ABCB4: variants seen among roughly 807,000 people sequenced by gnomAD.
ABCB4 encodes the protein phosphatidylcholine translocator ABCB4.
ABCB4 carries 76 observed loss-of-function variants against 145.7 expected under a neutral mutation model. The ratio of observed to expected loss-of-function variants is 0.52; its 90% CI spans 0.43 to 0.63. The LOEUF (loss-of-function observed/expected upper bound fraction) is 0.63. Ranked by LOEUF, ABCB4 falls within the 30% of genes least tolerant of loss-of-function variation. ABCB4 has a pLI of 0.00. For synonymous variants in ABCB4, 517 were observed against 566.8 expected (o/e 0.91, Z 1.25); for missense variants, 1,234 against 1,553.1 (o/e 0.79, Z 3.45).
At chr7:87,366,242 A>ATT in the ABCB4 span, among the ~76,000 whole-genome samples, 2 of 150,062 alleles carry the variant, frequency 1.3e-5, no homozygotes, top group Admixed American at 6.7e-5. Context: ...GCAAGGGGGA[A>ATT]TTTTTTTTTT....
chr7:87,413,593 A>G, intron 22 of ABCB4, 24 bp downstream of exon 22: 1 of 1,418,984 alleles, frequency 7.0e-7, no homozygotes, highest in South Asian at 1.1e-5. Flanking sequence ...CTAGGTTCTT[A>G]GCAGGAATCA....
the ABCB4 span, among the ~76,000 whole-genome samples, chr7:87,366,284 G>A: frequency 6.6e-6 from 1 of 151,912 alleles, no homozygotes; most frequent in Admixed American, 6.6e-5. Flanking sequence ...CCTGTGGGAG[G>A]TGTTGGTATC....
At chr7:87,387,015 T>C in the ABCB4 span, among the ~76,000 whole-genome samples, 1 of 152,080 alleles carries the variant, frequency 6.6e-6, no homozygotes, top group Non-Finnish European at 1.5e-5. Context: ...ATGGGAGTTT[T>C]TCCACATGCG....
intron 19 of ABCB4, 79 bp downstream of exon 19, chr7:87,419,919 A>G (rs1809297038): frequency 2.7e-6 from 4 of 1,460,174 alleles, no homozygotes; most frequent in Non-Finnish European, 3.8e-6. Flanking sequence ...GCATATCGAC[A>G]TAACAATAAG....
At chr7:87,464,816 C>T (rs1182259698) in intron 3 of ABCB4, among the ~76,000 whole-genome samples, 1 of 152,104 alleles carries the variant, frequency 6.6e-6, no homozygotes, top group Non-Finnish European at 1.5e-5. Context: ...AATTTCTGTT[C>T]CTACATTAAG....
At chr7:87,403,458 A>T in intron 26 of ABCB4, 177 bp from the exon 27 acceptor site, 1 of 613,362 alleles carries the variant, frequency 1.6e-6, no homozygotes, top group Non-Finnish European at 2.9e-6. Context: ...TCTCAATGGT[A>T]TTCTACAATA....
At chr7:87,434,352 C>T (rs890979668) in intron 14 of ABCB4, among the ~76,000 whole-genome samples, 3 of 152,054 alleles carry the variant, frequency 2.0e-5, no homozygotes, top group Non-Finnish European at 4.4e-5. Flanking sequence ...ACAAAATCTG[C>T]TGTTATATCT....
intron 19 of ABCB4, among the ~76,000 whole-genome samples, chr7:87,419,389 A>G (rs1809230171): frequency 6.6e-6 from 1 of 152,206 alleles, no homozygotes; most frequent in African/African-American, 2.4e-5. Context: ...ATGTTTGCAT[A>G]TTTTCCTATG....
chr7:87,380,048 T>C, the ABCB4 span, among the ~76,000 whole-genome samples: 1 of 152,080 alleles, frequency 6.6e-6, no homozygotes, highest in Non-Finnish European at 1.5e-5. Flanking sequence ...GAGGTCCAGG[T>C]TGCAGTGAGC....
chr7:87,419,313 T>G (rs191576263), intron 19 of ABCB4, among the ~76,000 whole-genome samples: 1 of 152,320 alleles, frequency 6.6e-6, no homozygotes, highest in East Asian at 1.9e-4. Context: ...TGTAATCAGT[T>G]CCTGTCAATT....
At chr7:87,388,662 C>T in the ABCB4 span, among the ~76,000 whole-genome samples, 2 of 152,092 alleles carry the variant, frequency 1.3e-5, no homozygotes, top group African/African-American at 2.4e-5. Flanking sequence ...AGACCTAAAC[C>T]CATAAAAACT....
Position 87,458,262 on chromosome 7 carries a change from C to T in ABCB4, c.287-3670G>A, listed in dbSNP as rs45459892. Among the ~76,000 whole-genome samples, 1,294 of 152,274 alleles carry T rather than the reference C, an allele frequency of 8.5e-3. 17 individuals carry two copies. The highest frequency in any genetic ancestry group is 0.028 in the Admixed American group (428 of 15,290). On this transcript the variant is annotated intron_variant, in intron 4 of 27. Coordinates refer to ENST00000649586, the MANE Select transcript of ABCB4 (RefSeq NM_000443.4). ...GCAGAAAAACTGTTTTCTCCAACTCCGTCCTTAATGTTTTGGATGCAGAAT... is the reference window on the plus strand; with the variant it reads ...GCAGAAAAACTGTTTTCTCCAACTCTGTCCTTAATGTTTTGGATGCAGAAT...
chr7:87,408,989 A>C (rs1562951440), intron 24 of ABCB4, among the ~76,000 whole-genome samples: 1 of 152,116 alleles, frequency 6.6e-6, no homozygotes, highest in South Asian at 2.1e-4. Flanking sequence ...GAAACTATTC[A>C]GTTCTAATAT....
intron 3 of ABCB4, among the ~76,000 whole-genome samples, chr7:87,464,106 G>C (rs140624937): frequency 3.2e-4 from 48 of 152,254 alleles, no homozygotes; most frequent in African/African-American, 1.1e-3. Flanking sequence ...TATTGGGAGA[G>C]AGGGTGATGA....
intron 8 of ABCB4, chr7:87,448,572 A>G (rs1811499505): frequency 6.6e-6 from 1 of 152,254 alleles, no homozygotes; most frequent in East Asian, 1.9e-4. Flanking sequence ...CCAGTGTGAC[A>G]CACAGCTCCA....
intron 18 of ABCB4, 50 bp downstream of exon 18, chr7:87,422,071 C>G (rs775132142): frequency 3.9e-6 from 5 of 1,293,424 alleles, no homozygotes; most frequent in South Asian, 1.3e-5. Context: ...AATTTAATTT[C>G]TCTAATTAAA....
chr7:87,460,159 A>G (rs953903790), intron 4 of ABCB4, among the ~76,000 whole-genome samples: 10 of 152,234 alleles, frequency 6.6e-5, no homozygotes, highest in African/African-American at 2.4e-4. Flanking sequence ...ACCCTTGAGT[A>G]TTAATGTGCA....
chr7:87,418,735 G>A (rs972386544), intron 19 of ABCB4, 115 bp from the exon 20 acceptor site: 5 of 915,806 alleles, frequency 5.5e-6, no homozygotes, highest in South Asian at 4.2e-5. Flanking sequence ...CTCATATGCA[G>A]TGTAGAGTCC....
intron 4 of ABCB4, among the ~76,000 whole-genome samples, chr7:87,461,337 C>T (rs1044905637): frequency 6.6e-6 from 1 of 152,178 alleles, no homozygotes; most frequent in Non-Finnish European, 1.5e-5. Context: ...AATAAGCAAT[C>T]CATTTAAAAC....
Sources: allele counts gnomAD v4.1 joint callset (sites outside exome capture counted in the v4.1 genomes callset), GRCh38; gene constraint gnomAD v4.1.1; transcripts MANE v1.5; gene names NCBI Gene and HGNC (gene_info 2026-07-23, HGNC 2026-07-21).